The following SLC39A14 variants were observed in gnomAD, a reference collection of about 807,000 sequenced individuals.
SLC39A14 encodes the protein solute carrier family 39 member 14.
A neutral mutation model predicts 45.5 loss-of-function variants in SLC39A14; 19 were observed. The observed-to-expected ratio is 0.42, with a 90% CI of 0.29 to 0.61. SLC39A14 has a LOEUF of 0.61. SLC39A14 is among the 20% of genes least tolerant of loss of function. The pLI is 0.22. For synonymous variants in SLC39A14, 264 were observed against 251.3 expected, an observed-to-expected ratio of 1.05 and a Z score of -0.48; for missense variants, 447 against 616.5, an observed-to-expected ratio of 0.73 and a Z score of 2.91.
rs1586638747 is a variant in SLC39A14 at position 22,376,422 on chromosome 8, A to G, written c.-16+9014A>G. On this transcript the variant is annotated intron_variant, in intron 1 of 8. Transcript: ENST00000381237. Reference sequence around the variant, plus strand: ...AGTCTTGAACTCCTGAGCTCAAGTGATCCACCCACCTCAGCCTCCCAAAGT... The same window carrying G: ...AGTCTTGAACTCCTGAGCTCAAGTGGTCCACCCACCTCAGCCTCCCAAAGT... Among the ~76,000 whole-genome samples the G allele has an allele frequency of 2.1e-5, 3 of 145,488 alleles. No homozygotes were observed. In the East Asian group the frequency reaches 6.4e-4, roughly 31 times the overall value.
At chr8:22,372,095 A>T (rs1359001470) in intron 1 of SLC39A14, among the ~76,000 whole-genome samples, 1 of 152,108 alleles carries the variant, frequency 6.6e-6, no homozygotes, top group Non-Finnish European at 1.5e-5. Flanking sequence ...CAAAACTTTG[A>T]TTTAGGGCCA....
chr8:22,396,520 AG>A (rs1834454206), intron 1 of SLC39A14, among the ~76,000 whole-genome samples: 1 of 1,452 alleles, frequency 6.9e-4, no homozygotes, highest in Non-Finnish European at 1.4e-3. Context: ...AGAGAGAGAG[AG>A]AGAGAGAGAG....
rs1044623449 is a variant in SLC39A14 at position 22,415,853 on chromosome 8, A to C, written c.835A>C (p.Asn279His). 9 of 1,613,390 alleles carry C rather than the reference A, an allele frequency of 5.6e-6. No homozygotes were observed. The East Asian group carries it at 2.0e-4, about 36-fold the overall frequency. ...QEEGVMEKLQNGDLDHMIPQH... is the reference protein window; with the variant it reads ...QEEGVMEKLQHGDLDHMIPQH... ...GGAGGGGGTGATGGAGAAGCTGCAG[A>C]ACGGGGACCTGGACCACATGATTCC... The change falls in exon 6 of 9, where the codon AAC becomes CAC. Residue 279 changes from asparagine to histidine, a missense_variant. Transcript: ENST00000381237.
chr8:22,415,684 G>T, intron 5 of SLC39A14, 85 bp from the exon 6 acceptor site: 1 of 1,301,488 alleles, frequency 7.7e-7, no homozygotes. Flanking sequence ...CTTCCAGTGT[G>T]TGAAGCACTT....
downstream of SLC39A14, among the ~76,000 whole-genome samples, chr8:22,424,563 T>G (rs997683377): frequency 1.3e-5 from 2 of 152,144 alleles, no homozygotes; most frequent in African/African-American, 4.8e-5. Context: ...CTCGACGTCC[T>G]TTTCTGCCTA....
At chr8:22,424,513 A>G (rs1316900836), downstream of SLC39A14, among the ~76,000 whole-genome samples, 1 of 152,150 alleles carries the variant, frequency 6.6e-6, no homozygotes, top group Non-Finnish European at 1.5e-5. Flanking sequence ...GCCATTTGCT[A>G]TTCAAAATGA....
chr8:22,396,536 G>C (rs866889304), intron 1 of SLC39A14, among the ~76,000 whole-genome samples: 142 of 354 alleles, frequency 0.4, 59 homozygotes, highest in South Asian at 0.5. Context: ...AGAGAGAGGG[G>C]GGGGAGAGAG....
At chr8:22,404,647 C>G (rs1021047693) in intron 1 of SLC39A14, 49 bp from the exon 2 acceptor site, 12 of 1,564,994 alleles carry the variant, frequency 7.7e-6, no homozygotes, top group Middle Eastern at 1.7e-4. Flanking sequence ...GGCGCAGTTG[C>G]CGGCACACAG....
chr8:22,429,140 C>G (rs956216744), intron 8 of SLC39A14, among the ~76,000 whole-genome samples: 1 of 152,058 alleles, frequency 6.6e-6, no homozygotes, highest in East Asian at 1.9e-4. Context: ...GGCGTGGTGG[C>G]GGGCACCTGT....
intron 7 of SLC39A14, among the ~76,000 whole-genome samples, chr8:22,416,546 T>C (rs531823018): frequency 1.5e-4 from 23 of 151,618 alleles, no homozygotes; most frequent in African/African-American, 5.6e-4. Flanking sequence ...TGCCTCAGTC[T>C]CCCAAGTAGC....
chr8:22,390,357 G>A (rs1834002662), intron 1 of SLC39A14: 1 of 151,218 alleles, frequency 6.6e-6, no homozygotes, highest in Non-Finnish European at 1.5e-5. Flanking sequence ...CCAGCCTGGA[G>A]TGCAGTGGCA....
chr8:22,421,435 C>T lies in SLC39A14; in HGVS notation c.*1737C>T. On this transcript the variant is annotated 3_prime_UTR_variant, in exon 9 of 9. Transcript: ENST00000381237. ...TGGCTTCAATACATTTGAGAATACG[C>T]TGAAGAGGGAAAATTTCAGTGATGG... 2.0e-6 allele frequency: 2 copies of T among 985,644 alleles called. No individual in the cohort carries two copies. Among genetic ancestry groups the T allele is most frequent in the Non-Finnish European group, 2.4e-6 (2 of 829,846 alleles). 61.1% of individuals were successfully genotyped at this position (985,644 alleles called of 1,614,324 possible). A position where few individuals can be genotyped will look rare whatever the true frequency, so the allele number is the denominator to read the frequency against.
At chr8:22,369,505 C>T (rs111649029) in intron 1 of SLC39A14, among the ~76,000 whole-genome samples, 2,549 of 152,252 alleles carry the variant, frequency 0.017, 59 homozygotes, top group African/African-American at 0.057. Context: ...GGCGGGTGCA[C>T]GCAGAAGGCC....
rs6558052 is a variant in SLC39A14, at chr8:22,416,174, T to C, written c.1041T>C (p.His347=). ...AWMITLSDGL[H]NFIDGLAIGA... ...TGATCACTCTGAGCGACGGCCTCCA[T>C]AATTTCATCGATGGCCTGGCCATCG... The change falls in exon 7 of 9, where the codon CAT becomes CAC. Residue 347 remains histidine (H), a synonymous_variant. Transcript: ENST00000381237. 0.091 allele frequency: 147,447 copies of C among 1,613,792 alleles called. 19,870 individuals carry two copies. Among genetic ancestry groups the C allele is most frequent in the African/African-American group, 0.64 (47,779 of 74,874 alleles).
In SLC39A14 at chr8:22,412,018, C is replaced by T. The variant is rs777863935; in HGVS notation, c.458-19C>T. ...CTCTCCCTGCCCTGGGTGGGGCTGGCCCTCCCTCCGCACGGCAGTGTGGGG... is the reference window on the plus strand; with the variant it reads ...CTCTCCCTGCCCTGGGTGGGGCTGGTCCTCCCTCCGCACGGCAGTGTGGGG... On this transcript the variant is annotated intron_variant, in intron 3 of 8. Coordinates refer to ENST00000381237, the MANE Select transcript of SLC39A14 (RefSeq NM_001128431.4). 34 of 1,545,358 alleles carry T rather than the reference C, an allele frequency of 2.2e-5. No homozygotes were observed. The highest frequency in any genetic ancestry group is 2.2e-4 in the Admixed American group (11 of 50,810).
At chr8:22,391,631 C>T (rs1052706209) in intron 1 of SLC39A14, among the ~76,000 whole-genome samples, 1 of 151,330 alleles carries the variant, frequency 6.6e-6, no homozygotes, top group African/African-American at 2.4e-5. Flanking sequence ...AGTGCAGTGG[C>T]GCGATCTCGG....
In SLC39A14 at chr8:22,422,537, C is replaced by A. The variant is rs773287261; in HGVS notation, c.*2839C>A. The stretch of plus-strand genomic sequence containing the variant: ...TTAGGATTTTATTGTTCTTATTTCC[C>A]TTTACAGTTCTGCAGTTCCATCACA... On this transcript the variant is annotated 3_prime_UTR_variant, in exon 9 of 9. Coordinates refer to ENST00000381237, the MANE Select transcript of SLC39A14 (RefSeq NM_001128431.4). The A allele has an allele frequency of 2.1e-5, 21 of 985,400 alleles. No individual in the cohort carries two copies. The highest frequency in any genetic ancestry group is 3.5e-5 in the African/African-American group (2 of 57,216). The allele number at this position is 985,400 out of a possible 1,614,324, so 61.0% of individuals were successfully genotyped here. A position where few individuals can be genotyped will look rare whatever the true frequency, so the allele number is the denominator to read the frequency against.
chr8:22,408,891 G>C (rs1835392679), intron 3 of SLC39A14, among the ~76,000 whole-genome samples: 1 of 146,414 alleles, frequency 6.8e-6, no homozygotes, highest in Admixed American at 7.0e-5. Context: ...TGCAATCATA[G>C]CTCACTGCAG....
At chr8:22,393,516 G>T (rs1834198606) in intron 1 of SLC39A14, among the ~76,000 whole-genome samples, 1 of 152,180 alleles carries the variant, frequency 6.6e-6, no homozygotes, top group African/African-American at 2.4e-5. Flanking sequence ...GACCAAGCTG[G>T]CAGATGTTTG....
Sources: allele counts gnomAD v4.1 joint callset (sites outside exome capture counted in the v4.1 genomes callset), GRCh38; gene constraint gnomAD v4.1.1; transcripts MANE v1.5; gene names NCBI Gene and HGNC (gene_info 2026-07-23, HGNC 2026-07-21).